The following PARVG variants were observed in gnomAD, a reference collection of about 807,000 sequenced individuals.
The protein encoded by PARVG is gamma-parvin.
PARVG carries 36 observed loss-of-function variants against 44.4 expected under a neutral mutation model. The ratio of observed to expected loss-of-function variants is 0.81; its 90% CI spans 0.62 to 1.07. The LOEUF is 1.07. PARVG is among the 50% of genes least tolerant of loss of function. The probability of loss-of-function intolerance (pLI) is 0.00; values close to 1 mark genes in which losing one functional copy is unlikely to be tolerated. For synonymous variants in PARVG, 170 were observed against 174.1 expected (o/e 0.98, Z 0.19); for missense variants, 407 against 407.4 (o/e 1.00, Z 0.01).
rs572376345 is a variant in PARVG, at chr22:44,183,242, G to C, written c.-12-76G>C. On this transcript the variant is annotated intron_variant, in intron 2 of 13. Coordinates refer to ENST00000444313, the MANE Select transcript of PARVG (RefSeq NM_022141.7). ...TTCTACCCTCCTTCTGTGCCTCCAG[G>C]TCTAGAGAAAATGAGGGGCTCAGTG... The C allele has an allele frequency of 4.4e-5, 60 of 1,375,306 alleles. No individual in the cohort carries two copies. The South Asian group carries it at 5.7e-4, about 13-fold the overall frequency. 85.2% of individuals were successfully genotyped at this position (1,375,306 alleles called of 1,614,324 possible).
At chr22:44,202,270 C>T (rs970576120) in intron 12 of PARVG, among the ~76,000 whole-genome samples, 2 of 152,156 alleles carry the variant, frequency 1.3e-5, no homozygotes, top group Non-Finnish European at 2.9e-5. Context: ...AAGGCTGAGA[C>T]TGGGGTCAGA....
intron 7 of PARVG, among the ~76,000 whole-genome samples, chr22:44,190,987 T>C (rs572826201): frequency 1.3e-5 from 2 of 152,334 alleles, no homozygotes; most frequent in East Asian, 3.9e-4. Flanking sequence ...CCCTGAGCCA[T>C]GCGTGGCCGT....
At chr22:44,192,245 C>A in intron 8 of PARVG, 141 bp downstream of exon 8, 2 of 895,378 alleles carry the variant, frequency 2.2e-6, no homozygotes, top group Non-Finnish European at 3.4e-6. Flanking sequence ...CCCGAAAATG[C>A]TGCGCTGACC....
intron 4 of PARVG, 95 bp downstream of exon 4, chr22:44,185,967 C>T (rs2054462349): frequency 3.9e-6 from 5 of 1,280,970 alleles, no homozygotes; most frequent in Non-Finnish European, 5.5e-6. Context: ...TGTCCCCACT[C>T]CTTGGCCTCA....
At chr22:44,193,916 C>T (rs1475597492) in intron 9 of PARVG, 93 bp downstream of exon 9, 4 of 1,467,146 alleles carry the variant, frequency 2.7e-6, no homozygotes, top group Non-Finnish European at 3.8e-6. Context: ...TGAGCATTCT[C>T]TCATTTCCCT....
At chr22:44,184,836 G>A (rs1043559093) in intron 3 of PARVG, 1 of 152,218 alleles carries the variant, frequency 6.6e-6, no homozygotes, top group Admixed American at 6.5e-5. Flanking sequence ...AGTTAGAATA[G>A]TAGGACTTAG....
intron 11 of PARVG, among the ~76,000 whole-genome samples, 178 bp from the exon 12 acceptor site, chr22:44,198,443 T>A (rs995480245): frequency 2.6e-5 from 4 of 152,250 alleles, no homozygotes; most frequent in Non-Finnish European, 4.4e-5. Flanking sequence ...CCAGGCAGCC[T>A]GAAACCACTT....
chr22:44,174,254 G>A (rs1209145505), intron 1 of PARVG, among the ~76,000 whole-genome samples: 1 of 152,116 alleles, frequency 6.6e-6, no homozygotes, highest in Non-Finnish European at 1.5e-5. Flanking sequence ...TGCAGGTGGG[G>A]CAGGGGGGTG....
upstream of PARVG, chr22:44,180,862 A>T: frequency 1.0e-6 from 1 of 969,428 alleles, no homozygotes; most frequent in Non-Finnish European, 1.2e-6. Context: ...GAAAGGGTAG[A>T]TAGCTTCCCA....
At chr22:44,202,920 T>A (rs893154558) in intron 12 of PARVG, among the ~76,000 whole-genome samples, 4 of 152,208 alleles carry the variant, frequency 2.6e-5, no homozygotes, top group African/African-American at 9.7e-5. Flanking sequence ...CACGTTAAAT[T>A]ACTTTCCCCA....
intron 1 of PARVG, among the ~76,000 whole-genome samples, chr22:44,174,842 C>G (rs1276278200): frequency 6.6e-6 from 1 of 151,816 alleles, no homozygotes; most frequent in East Asian, 2.0e-4. Context: ...TAACTGCCGT[C>G]CGGGCACAGT....
chr22:44,197,731 C>T (rs540322409), intron 11 of PARVG, among the ~76,000 whole-genome samples: 1 of 152,180 alleles, frequency 6.6e-6, no homozygotes, highest in Admixed American at 6.5e-5. Context: ...TACAAGATAG[C>T]AACTTGGTAG....
intron 8 of PARVG, among the ~76,000 whole-genome samples, chr22:44,192,733 G>A (rs796550783): frequency 2.1e-4 from 32 of 151,266 alleles, no homozygotes; most frequent in African/African-American, 7.0e-4. Flanking sequence ...CCTGCCCACC[G>A]GGGGTGTGGC....
chr22:44,188,102 AG>A (rs2054499769), intron 5 of PARVG: 2 of 587,608 alleles, frequency 3.4e-6, no homozygotes, highest in Non-Finnish European at 6.1e-6. Context: ...CTCTGACGCC[AG>A]GGTTGGTGCT....
At chr22:44,190,511 C>T (rs200697947) in intron 6 of PARVG, 40 bp from the exon 7 acceptor site, 20 of 1,512,692 alleles carry the variant, frequency 1.3e-5, no homozygotes, top group Admixed American at 1.0e-4. Context: ...CACGTTTTGG[C>T]GGCCTCCTGG....
In PARVG at chr22:44,173,192, G is replaced by C. The variant is rs1243168013; in HGVS notation, c.-189+1G>C. 1.1e-5 allele frequency: 14 copies of C among 1,253,150 alleles called. No homozygotes were observed. Among genetic ancestry groups the C allele is most frequent in the Non-Finnish European group, 1.4e-5 (14 of 971,458 alleles). 77.6% of individuals were successfully genotyped at this position (1,253,150 alleles called of 1,614,324 possible). A position where few individuals can be genotyped will look rare whatever the true frequency, so the allele number is the denominator to read the frequency against. On this transcript the variant is annotated splice_donor_variant, in intron 1 of 13. Transcript: ENST00000422871. LOFTEE classifies it low-confidence loss of function (5UTR_SPLICE). ...GAGGGCAGCAGAGTCACAGCTGCAGGTGAGTAATAAAGGCTCATCTGCCCC... is the reference window on the plus strand; with the variant it reads ...GAGGGCAGCAGAGTCACAGCTGCAGCTGAGTAATAAAGGCTCATCTGCCCC...
At chr22:44,181,433 T>A (rs940292664) in intron 1 of PARVG, 35 of 972,780 alleles carry the variant, frequency 3.6e-5, no homozygotes, top group Middle Eastern at 5.3e-4. Flanking sequence ...GGTGTGGAGG[T>A]GGGAGGACGG....
At chr22:44,192,936 G>A (rs994641820) in intron 8 of PARVG, among the ~76,000 whole-genome samples, 5 of 152,190 alleles carry the variant, frequency 3.3e-5, no homozygotes, top group Admixed American at 6.5e-5. Context: ...TCTGTGTGGC[G>A]CTAACTCACG....
In PARVG at chr22:44,204,578, C is replaced by G. The variant is rs1025820425; in HGVS notation, c.814-1179C>G. ...CTGGAGGTGGCCTGGGCCAGGCTGG[C>G]GTTTCTGGATGAGTCTTGCCTGGCC... On this transcript the variant is annotated intron_variant, in intron 12 of 13. Coordinates refer to ENST00000444313, the MANE Select transcript of PARVG (RefSeq NM_022141.7). Among the ~76,000 whole-genome samples, 9 of 152,362 alleles carry G rather than the reference C, an allele frequency of 5.9e-5. No individual in the cohort carries two copies. In the South Asian group the frequency reaches 1.2e-3, roughly 21 times the overall value.
Sources: gnomAD v4.1 joint callset for allele counts (sites outside exome capture counted in the v4.1 genomes callset) on GRCh38, gnomAD v4.1.1 for gene constraint, MANE v1.5 for transcripts, NCBI Gene and HGNC (gene_info 2026-07-23, HGNC 2026-07-21) for gene names.